Variants in CSMD1 observed in about 807,000 individuals in gnomAD.
CSMD1 encodes CUB and Sushi multiple domains 1, also known as CUB and sushi domain-containing protein 1.
Under a neutral mutation model 417.5 loss-of-function variants are expected in CSMD1, and 213 were observed. That is an observed-to-expected ratio of 0.51 (90% CI 0.46 to 0.57). The LOEUF (loss-of-function observed/expected upper bound fraction) is 0.57. Among genes scored for constraint, CSMD1 ranks in the 20% least tolerant of loss-of-function variants. The pLI is 0.00. For missense variants in CSMD1, 6,923 were observed against 4,529.7 expected, an observed-to-expected ratio of 1.53 and a Z score of -15.17; for synonymous variants, 2,862 against 1,736.8, an observed-to-expected ratio of 1.65 and a Z score of -16.11.
chr8:4,874,991 C>G (rs973443864), intron 1 of CSMD1, among the ~76,000 whole-genome samples: 1 of 151,198 alleles, frequency 6.6e-6, no homozygotes, highest in Non-Finnish European at 1.5e-5. Flanking sequence ...TCTTTCCCTT[C>G]CCTTCCCTTC....
intron 5 of CSMD1, among the ~76,000 whole-genome samples, chr8:3,769,631 C>G (rs1372636377): frequency 6.6e-6 from 1 of 152,050 alleles, no homozygotes; most frequent in Non-Finnish European, 1.5e-5. Context: ...TTAAAATCCA[C>G]TTTTTTCCAT....
intron 6 of CSMD1, among the ~76,000 whole-genome samples, chr8:3,744,770 T>G (rs1482902540): frequency 6.6e-6 from 1 of 152,058 alleles, no homozygotes; most frequent in East Asian, 1.9e-4. Flanking sequence ...TCTCAAGACT[T>G]GGTGTATATT....
At chr8:3,444,745 T>A (rs1011335696) in intron 12 of CSMD1, among the ~76,000 whole-genome samples, 9 of 152,338 alleles carry the variant, frequency 5.9e-5, no homozygotes, top group Middle Eastern at 3.4e-3. Flanking sequence ...TGTAATAAAC[T>A]GAAAAGGCCA....
chr8:4,727,713 C>A (rs865978648), intron 1 of CSMD1, among the ~76,000 whole-genome samples: 7 of 151,914 alleles, frequency 4.6e-5, no homozygotes, highest in Admixed American at 4.6e-4. Flanking sequence ...CTGTGTTCTG[C>A]CAGTAATCTT....
intron 26 of CSMD1, among the ~76,000 whole-genome samples, chr8:3,246,871 A>G (rs1360679570): frequency 6.6e-6 from 1 of 152,210 alleles, no homozygotes; most frequent in Admixed American, 6.5e-5. Flanking sequence ...GGTTGATTAA[A>G]AATTTTTGGA....
At chr8:3,675,265 G>A (rs4875251) in intron 7 of CSMD1, among the ~76,000 whole-genome samples, 42,535 of 151,984 alleles carry the variant, frequency 0.28, 7,301 homozygotes, top group Admixed American at 0.43. Context: ...TGGCATGTGC[G>A]TGCCATTCCC....
chr8:3,035,598 G>C (rs1810624949), intron 50 of CSMD1, among the ~76,000 whole-genome samples: 1 of 152,124 alleles, frequency 6.6e-6, no homozygotes, highest in African/African-American at 2.4e-5. Context: ...AAACATACTA[G>C]CATACAGATA....
chr8:3,127,304 G>C (rs1032270727), intron 41 of CSMD1: 2 of 152,188 alleles, frequency 1.3e-5, no homozygotes, highest in Non-Finnish European at 2.9e-5. Context: ...CAGAGACTGA[G>C]TAAGCACCCT....
At chr8:3,219,525 G>C (rs1585692538) in intron 28 of CSMD1, 83 bp from the exon 29 acceptor site, 1 of 983,016 alleles carries the variant, frequency 1.0e-6, no homozygotes, top group Non-Finnish European at 1.4e-6. Context: ...CTCAGAAAGT[G>C]ATTTTATTTG....
intron 5 of CSMD1, among the ~76,000 whole-genome samples, chr8:3,862,940 C>G (rs947836369): frequency 6.6e-6 from 1 of 152,084 alleles, no homozygotes; most frequent in Non-Finnish European, 1.5e-5. Context: ...TTTTAAACAG[C>G]AGAAATTTAT....
At chr8:4,378,408 C>A (rs904693143) in intron 3 of CSMD1, among the ~76,000 whole-genome samples, 17 of 152,220 alleles carry the variant, frequency 1.1e-4, no homozygotes, top group Admixed American at 1.1e-3. Context: ...TGGCTTAAAA[C>A]AGAAGAGCAT....
intron 5 of CSMD1, among the ~76,000 whole-genome samples, chr8:3,760,112 G>A (rs977365260): frequency 1.3e-5 from 2 of 152,052 alleles, no homozygotes; most frequent in African/African-American, 4.8e-5. Context: ...GAGAAAAAGA[G>A]TAAAAGAGTA....
chr8:3,997,796 A>T (rs1188785208), intron 5 of CSMD1, 107 bp downstream of exon 5: 2 of 985,316 alleles, frequency 2.0e-6, no homozygotes, highest in Middle Eastern at 2.6e-4. Flanking sequence ...AGGAACACAC[A>T]TGCTTGCCCA....
chr8:4,059,503 A>C (rs890633919), intron 3 of CSMD1, among the ~76,000 whole-genome samples: 2 of 152,208 alleles, frequency 1.3e-5, no homozygotes, highest in African/African-American at 2.4e-5. Flanking sequence ...TGAATCCAGG[A>C]GCTGGTTTTT....
At chr8:4,232,947 C>T (rs554478757) in intron 3 of CSMD1, among the ~76,000 whole-genome samples, 2 of 152,106 alleles carry the variant, frequency 1.3e-5, no homozygotes, top group Non-Finnish European at 2.9e-5. Context: ...TTTCTGCAGT[C>T]AAGCATAATT....
intron 26 of CSMD1, among the ~76,000 whole-genome samples, chr8:3,241,260 G>C (rs554879396): frequency 7.3e-5 from 11 of 150,468 alleles, no homozygotes; most frequent in Admixed American, 1.3e-4. Flanking sequence ...GCTGGCACCA[G>C]AGTTGGGGAG....
intron 5 of CSMD1, among the ~76,000 whole-genome samples, chr8:3,878,893 C>T (rs1806013001): frequency 6.6e-6 from 1 of 152,162 alleles, no homozygotes; most frequent in African/African-American, 2.4e-5. Flanking sequence ...TCACCAATAT[C>T]ACAAGTTATA....
At chr8:3,671,110 T>C (rs907099670) in intron 7 of CSMD1, among the ~76,000 whole-genome samples, 13 of 147,190 alleles carry the variant, frequency 8.8e-5, no homozygotes, top group Non-Finnish European at 1.2e-4. Context: ...ATGGGATATA[T>C]ATGTATATGG....
At chr8:3,837,851 A>C (rs1473614182) in intron 5 of CSMD1, among the ~76,000 whole-genome samples, 1 of 152,168 alleles carries the variant, frequency 6.6e-6, no homozygotes, top group African/African-American at 2.4e-5. Flanking sequence ...CTATTGCCAC[A>C]GCTTCATTCC....
Sources: allele counts gnomAD v4.1 joint callset (sites outside exome capture counted in the v4.1 genomes callset), GRCh38; gene constraint gnomAD v4.1.1; transcripts MANE v1.5; gene names NCBI Gene and HGNC (gene_info 2026-07-23, HGNC 2026-07-21).